The following ASCC1 variants were observed in gnomAD, a reference collection of about 807,000 sequenced individuals.
The protein encoded by ASCC1 is ASC-1 complex subunit P50.
Under a neutral mutation model 46.6 loss-of-function variants are expected in ASCC1, and 35 were observed. The ratio of observed to expected loss-of-function variants is 0.75; its 90% CI spans 0.57 to 0.99. ASCC1 has a LOEUF of 0.99. Ranked by LOEUF, ASCC1 falls within the 50% of genes least tolerant of loss-of-function variation. ASCC1 has a pLI of 0.00. For missense variants in ASCC1, 376 were observed against 428.7 expected (o/e 0.88, Z 1.09); for synonymous variants, 143 against 146.6 (o/e 0.98, Z 0.18).
chr10:72,154,771 C>T (rs1012642674), intron 6 of ASCC1, among the ~76,000 whole-genome samples: 3 of 152,100 alleles, frequency 2.0e-5, no homozygotes, highest in East Asian at 1.9e-4. Context: ...GGATTACAGG[C>T]GTGAGCCACT....
At chr10:72,100,109 C>T (rs574761655) in intron 9 of ASCC1, among the ~76,000 whole-genome samples, 3 of 152,150 alleles carry the variant, frequency 2.0e-5, no homozygotes, top group Non-Finnish European at 4.4e-5. Context: ...GTCCCTAGTG[C>T]CAGTGCCAAT....
In ASCC1 at chr10:72,096,751, A is replaced by T. The variant is rs1378021215; in HGVS notation, c.*583T>A. 2 of 454,130 alleles carry T rather than the reference A, an allele frequency of 4.4e-6. No individual in the cohort carries two copies. Among genetic ancestry groups the T allele is most frequent in the East Asian group, 1.4e-4 (2 of 14,400 alleles). 28.1% of individuals were successfully genotyped at this position (454,130 alleles called of 1,614,324 possible). A position where few individuals can be genotyped will look rare whatever the true frequency, so the allele number is the denominator to read the frequency against. On this transcript the variant is annotated 3_prime_UTR_variant, in exon 10 of 10. Coordinates refer to ENST00000672957, the MANE Select transcript of ASCC1 (RefSeq NM_001198800.3). ...TATAATACAGGAAGGAAATCCTGTC[A>T]CCTGACACAACATGGATGAACCTTG...
In ASCC1 at chr10:72,190,139, C is replaced by T. The variant is rs1442867454; in HGVS notation, c.489+6672G>A. The T allele has an allele frequency of 3.9e-6, 3 of 761,626 alleles. No homozygotes were observed. The East Asian group carries it at 7.3e-5, about 19-fold the overall frequency. 47.2% of individuals were successfully genotyped at this position (761,626 alleles called of 1,614,324 possible). A position where few individuals can be genotyped will look rare whatever the true frequency, so the allele number is the denominator to read the frequency against. On this transcript the variant is annotated intron_variant, in intron 5 of 9. Transcript: ENST00000672957. The stretch of plus-strand genomic sequence containing the variant: ...TTACATTATATATAGGATTCATGTT[C>T]GCTGTGGTGGCCGAAAACACCCAGT...
intron 9 of ASCC1, among the ~76,000 whole-genome samples, chr10:72,117,314 A>G (rs1425555092): frequency 6.6e-6 from 1 of 152,094 alleles, no homozygotes; most frequent in African/African-American, 2.4e-5. Context: ...TCCCTGGAGG[A>G]ATATTTTTAG....
intron 8 of ASCC1, among the ~76,000 whole-genome samples, chr10:72,129,393 G>A (rs1406729576): frequency 2.0e-5 from 3 of 152,174 alleles, no homozygotes; most frequent in Admixed American, 1.3e-4. Context: ...TGAAGCACCA[G>A]GCATGGTGGC....
chr10:72,185,000 C>A (rs576605322), intron 5 of ASCC1, among the ~76,000 whole-genome samples: 7 of 151,990 alleles, frequency 4.6e-5, no homozygotes, highest in Admixed American at 1.3e-4. Context: ...ACACAAATGG[C>A]CAATGAGCAC....
chr10:72,211,690 G>C (rs994236296), intron 2 of ASCC1, among the ~76,000 whole-genome samples: 1 of 152,038 alleles, frequency 6.6e-6, no homozygotes, highest in Non-Finnish European at 1.5e-5. Context: ...AGGCATGGTG[G>C]TGTGCACCTG....
At chr10:72,145,062 C>T (rs1339129083) in intron 7 of ASCC1, among the ~76,000 whole-genome samples, 1 of 151,958 alleles carries the variant, frequency 6.6e-6, no homozygotes, top group East Asian at 2.0e-4. Context: ...TTCCTGAGTA[C>T]ACAATTCCAG....
Position 72,187,599 on chromosome 10 carries a change from A to AG in ASCC1, c.489+9211dup, listed in dbSNP as rs1853663850. 2.0e-5 allele frequency among the ~76,000 whole-genome samples: 3 copies of AG among 151,972 alleles called. No individual in the cohort carries two copies. In the South Asian group the frequency reaches 6.2e-4, roughly 32 times the overall value. On this transcript the variant is annotated intron_variant, in intron 5 of 9. Transcript: ENST00000672957. ...GCCGGGCACAGTGGCGAGCGCCTGT[A>AG]GTCCCAGCTACTCGGGAAGCTGAGA...
At chr10:72,128,234 A>C in intron 8 of ASCC1, 67 bp from the exon 9 acceptor site, 2 of 1,400,268 alleles carry the variant, frequency 1.4e-6, no homozygotes, top group Non-Finnish European at 2.0e-6. Context: ...GGATTTCTAT[A>C]GGTACATAGG....
intron 5 of ASCC1, among the ~76,000 whole-genome samples, chr10:72,185,461 T>C (rs939124048): frequency 3.9e-5 from 6 of 152,106 alleles, no homozygotes; most frequent in African/African-American, 1.4e-4. Flanking sequence ...TGCAAAGAAA[T>C]ACCACTCAAC....
intron 5 of ASCC1, among the ~76,000 whole-genome samples, chr10:72,176,212 G>A (rs946152213): frequency 3.9e-5 from 6 of 152,206 alleles, no homozygotes; most frequent in East Asian, 3.9e-4. Flanking sequence ...AGACAGTATC[G>A]ATAGCCTCCC....
intron 9 of ASCC1, among the ~76,000 whole-genome samples, chr10:72,117,442 C>G (rs1042455585): frequency 6.6e-6 from 1 of 152,182 alleles, no homozygotes; most frequent in Non-Finnish European, 1.5e-5. Flanking sequence ...TCTATTTCCT[C>G]CTTTTAGAAC....
intron 9 of ASCC1, among the ~76,000 whole-genome samples, chr10:72,098,818 C>T (rs1841396441): frequency 6.6e-6 from 1 of 152,242 alleles, no homozygotes; most frequent in African/African-American, 2.4e-5. Context: ...AGGTGATCAG[C>T]TCCTGCCTGC....
chr10:72,116,934 TA>T (rs1171167005), intron 9 of ASCC1, among the ~76,000 whole-genome samples: 2 of 152,092 alleles, frequency 1.3e-5, no homozygotes, highest in Non-Finnish European at 2.9e-5. Flanking sequence ...CTCTATATTT[TA>T]AATTTTTTAT....
intron 5 of ASCC1, among the ~76,000 whole-genome samples, chr10:72,176,505 G>A (rs1851873286): frequency 6.6e-6 from 1 of 151,738 alleles, no homozygotes; most frequent in Non-Finnish European, 1.5e-5. Context: ...CACCATGCCT[G>A]GCTAATTTTT....
chr10:72,210,315 A>T (rs964115994), intron 3 of ASCC1, among the ~76,000 whole-genome samples: 7 of 151,954 alleles, frequency 4.6e-5, no homozygotes, highest in African/African-American at 1.7e-4. Context: ...GCCTGCCACC[A>T]CACCCGGCTA....
At chr10:72,214,669 G>A (rs757663313) in intron 1 of ASCC1, among the ~76,000 whole-genome samples, 1 of 151,742 alleles carries the variant, frequency 6.6e-6, no homozygotes, top group Non-Finnish European at 1.5e-5. Context: ...GAGCCACTGC[G>A]CCCAGCAAAC....
At chr10:72,154,070 A>C (rs1281764024) in intron 6 of ASCC1, among the ~76,000 whole-genome samples, 1 of 152,210 alleles carries the variant, frequency 6.6e-6, no homozygotes, top group Non-Finnish European at 1.5e-5. Flanking sequence ...AGAAGCCTTC[A>C]TCAATAAAAA....
Sources: gnomAD v4.1 joint callset for allele counts (sites outside exome capture counted in the v4.1 genomes callset) on GRCh38, gnomAD v4.1.1 for gene constraint, MANE v1.5 for transcripts, NCBI Gene and HGNC (gene_info 2026-07-23, HGNC 2026-07-21) for gene names.